The following FNTB variants were observed in gnomAD, a reference collection of about 807,000 sequenced individuals.
FNTB encodes the protein protein farnesyltransferase subunit beta.
FNTB carries 27 observed loss-of-function variants against 59.4 expected under a neutral mutation model. The ratio of observed to expected loss-of-function variants is 0.45; its 90% CI spans 0.34 to 0.63. The LOEUF is 0.63. FNTB is among the 20% of genes least tolerant of loss of function. The pLI is 0.02. For missense variants in FNTB, 449 were observed against 559.6 expected, an observed-to-expected ratio of 0.80 and a Z score of 1.99; for synonymous variants, 230 against 220.7, an observed-to-expected ratio of 1.04 and a Z score of -0.37.
chr14:65,052,316 CA>C (rs989876385), intron 9 of FNTB, among the ~76,000 whole-genome samples: 11 of 151,980 alleles, frequency 7.2e-5, no homozygotes, highest in Non-Finnish European at 1.6e-4. Context: ...CGCATAGAAC[CA>C]AAAAGACTGG....
intron 4 of FNTB, among the ~76,000 whole-genome samples, chr14:65,025,543 G>T (rs2061963228): frequency 6.6e-6 from 1 of 152,214 alleles, no homozygotes. Context: ...TGCTGGGCAT[G>T]ATGGCTCACA....
intron 3 of FNTB, among the ~76,000 whole-genome samples, chr14:65,013,654 T>G (rs1254080664): frequency 1.3e-5 from 2 of 152,178 alleles, no homozygotes; most frequent in Non-Finnish European, 2.9e-5. Context: ...TTCAAGCGAT[T>G]CTCTTGCCTC....
chr14:65,018,070 G>A (rs552098614), intron 4 of FNTB, among the ~76,000 whole-genome samples: 7 of 152,208 alleles, frequency 4.6e-5, no homozygotes, highest in African/African-American at 1.4e-4. Flanking sequence ...ATGTGGCCAC[G>A]CATGATCACA....
chr14:65,046,195 C>T (rs1000466369), intron 9 of FNTB, among the ~76,000 whole-genome samples: 2 of 151,758 alleles, frequency 1.3e-5, no homozygotes, highest in African/African-American at 4.8e-5. Context: ...AGGCTGGTCT[C>T]GAACTCCTGA....
intron 2 of FNTB, among the ~76,000 whole-genome samples, chr14:65,005,511 T>TTCTTTCTTTCTCTCTCTCTC (rs1555390096): frequency 3.1e-5 from 2 of 64,436 alleles, no homozygotes; most frequent in African/African-American, 1.5e-4. Flanking sequence ...CTTTCTTTCT[T>TTCTTTCTTTCTCTCTCTCTC]TCTCTCTCTC....
In FNTB at chr14:65,022,522, A is replaced by G. The variant is rs1191451685; in HGVS notation, c.375-4931A>G. Reference sequence around the variant, plus strand: ...CTTTCTCACTGTGATTGTCTGTAATATTAAGCTTTTTATATTATTTTAAAA... The same window carrying G: ...CTTTCTCACTGTGATTGTCTGTAATGTTAAGCTTTTTATATTATTTTAAAA... On this transcript the variant is annotated intron_variant, in intron 4 of 11. Coordinates refer to ENST00000246166, the MANE Select transcript of FNTB (RefSeq NM_002028.4). Among the ~76,000 whole-genome samples the G allele has an allele frequency of 3.9e-5, 6 of 152,006 alleles. No individual in the cohort carries two copies. In the East Asian group the frequency reaches 1.2e-3, roughly 29 times the overall value.
chr14:65,021,055 A>G (rs1175978990), intron 4 of FNTB, among the ~76,000 whole-genome samples: 1 of 152,214 alleles, frequency 6.6e-6, no homozygotes, highest in Non-Finnish European at 1.5e-5. Context: ...AAGAGGTTAT[A>G]TGCACACATT....
At chr14:65,033,010 A>C (rs1036621712) in intron 7 of FNTB, among the ~76,000 whole-genome samples, 13 of 152,246 alleles carry the variant, frequency 8.5e-5, no homozygotes, top group African/African-American at 3.1e-4. Flanking sequence ...CGTAGGACCC[A>C]GTAATTCCAC....
intron 9 of FNTB, among the ~76,000 whole-genome samples, chr14:65,048,785 G>A (rs1467959400): frequency 1.3e-5 from 2 of 152,146 alleles, no homozygotes; most frequent in Non-Finnish European, 2.9e-5. Context: ...AGTCTGGGAG[G>A]CAGAGGTTGC....
chr14:65,010,419 T>C (rs761099731), intron 2 of FNTB, among the ~76,000 whole-genome samples: 5 of 152,358 alleles, frequency 3.3e-5, no homozygotes, highest in South Asian at 4.1e-4. Context: ...AGCAGCCTGA[T>C]TGACATCATC....
At chr14:65,056,428 C>T (rs1434666156) in intron 11 of FNTB, among the ~76,000 whole-genome samples, 1 of 152,168 alleles carries the variant, frequency 6.6e-6, no homozygotes, top group Non-Finnish European at 1.5e-5. Flanking sequence ...GAAGGGGACA[C>T]ATATTGTCAT....
rs1888159350 is a variant in FNTB at position 64,990,558 on chromosome 14, T to TA, written c.144+3462dup. ...GTACCCCTGATTTACCAGCTCCAGATACTGCATTTTCTCTTGTGGTTTCCC... is the reference window on the plus strand; with the variant it reads ...GTACCCCTGATTTACCAGCTCCAGATAACTGCATTTTCTCTTGTGGTTTCCC... On this transcript the variant is annotated intron_variant, in intron 1 of 11. Coordinates refer to ENST00000246166, the MANE Select transcript of FNTB (RefSeq NM_002028.4). This position sits in a 1 kb window ranked among gnomAD's most constrained non-coding sequence, Gnocchi z 5.2. Among the ~76,000 whole-genome samples the TA allele has an allele frequency of 6.6e-6, 1 of 152,134 alleles. No homozygotes were observed. Among genetic ancestry groups the TA allele is most frequent in the South Asian group, 2.1e-4 (1 of 4,824 alleles).
intron 11 of FNTB, among the ~76,000 whole-genome samples, chr14:65,059,958 C>T (rs192703424): frequency 6.6e-6 from 1 of 151,550 alleles, no homozygotes; most frequent in East Asian, 2.0e-4. Flanking sequence ...TTCAGCCTCC[C>T]AACTAGCTGG....
chr14:65,050,871 C>G (rs1014424899), intron 9 of FNTB, among the ~76,000 whole-genome samples: 2 of 152,240 alleles, frequency 1.3e-5, no homozygotes, highest in Non-Finnish European at 1.5e-5. Context: ...TAATCTTAAG[C>G]ATACATAATA....
intron 8 of FNTB, 122 bp downstream of exon 8, chr14:65,041,041 C>T: frequency 6.9e-7 from 1 of 1,447,608 alleles, no homozygotes; most frequent in South Asian, 1.4e-5. Context: ...AGCTCTGTTC[C>T]AACACAGAGG....
rs913978162 is a variant in FNTB, at chr14:65,028,254, C to T, written c.605+473C>T. On this transcript the variant is annotated intron_variant, in intron 6 of 11. Transcript: ENST00000246166. The surrounding 1 kb of genome is among the most constrained non-coding windows in gnomAD (Gnocchi z 4.4). ...GGGAGGTGCAGAGAGCCTTGTGGGCCGGGAGAGTGCAGTGCAATAAAATCG... is the reference window on the plus strand; with the variant it reads ...GGGAGGTGCAGAGAGCCTTGTGGGCTGGGAGAGTGCAGTGCAATAAAATCG... Among the ~76,000 whole-genome samples, 6 of 151,970 alleles carry T rather than the reference C, an allele frequency of 3.9e-5. No homozygotes were observed. The highest frequency in any genetic ancestry group is 1.9e-4 in the East Asian group (1 of 5,192).
chr14:65,027,968 C>A lies in FNTB; in HGVS notation c.605+187C>A, dbSNP rs1441809731. 1.3e-5 allele frequency among the ~76,000 whole-genome samples: 2 copies of A among 152,204 alleles called. No individual in the cohort carries two copies. The highest frequency in any genetic ancestry group is 6.5e-5 in the Admixed American group (1 of 15,282). ...TGCAGATGTCCTCAGGTGTCATGAT[C>A]ACTTGACTTATTTTATGTAAATGTG... On this transcript the variant is annotated intron_variant, in intron 6 of 11. Transcript: ENST00000246166. This position sits in a 1 kb window ranked among gnomAD's most constrained non-coding sequence, Gnocchi z 5.7.
rs1031000186 is a variant in FNTB at position 64,990,541 on chromosome 14, G to C, written c.144+3444G>C. 3.3e-5 allele frequency among the ~76,000 whole-genome samples: 5 copies of C among 152,066 alleles called. No homozygotes were observed. The highest frequency in any genetic ancestry group is 4.8e-5 in the African/African-American group (2 of 41,386). ...GTCTATGAGGAGTTCAGGTACCCCTGATTTACCAGCTCCAGATACTGCATT... is the reference window on the plus strand; with the variant it reads ...GTCTATGAGGAGTTCAGGTACCCCTCATTTACCAGCTCCAGATACTGCATT... On this transcript the variant is annotated intron_variant, in intron 1 of 11. Coordinates refer to ENST00000246166, the MANE Select transcript of FNTB (RefSeq NM_002028.4). The surrounding 1 kb of genome is among the most constrained non-coding windows in gnomAD (Gnocchi z 5.2).
chr14:65,004,234 C>T lies in FNTB; in HGVS notation c.145-15C>T. On this transcript the variant is annotated splice_polypyrimidine_tract_variant and intron_variant, in intron 1 of 11. Coordinates refer to ENST00000246166, the MANE Select transcript of FNTB (RefSeq NM_002028.4). ...GTATTTGTTTTCTCTCTCCTATCTC[C>T]TGCATCCTTACCAGGCAAAAGTAGA... 1.2e-6 allele frequency: 2 copies of T among 1,612,942 alleles called. No homozygotes were observed. Among genetic ancestry groups the T allele is most frequent in the South Asian group, 2.2e-5 (2 of 90,906 alleles).
Sources: gnomAD v4.1 joint callset for allele counts (sites outside exome capture counted in the v4.1 genomes callset) on GRCh38, gnomAD v4.1.1 for gene constraint, Gnocchi (gnomAD v3.1) non-coding constraint, MANE v1.5 for transcripts, NCBI Gene and HGNC (gene_info 2026-07-23, HGNC 2026-07-21) for gene names.